The following USP28 variants were observed in gnomAD, a reference collection of about 807,000 sequenced individuals.
USP28 encodes the protein ubiquitin specific peptidase 28, also known as ubiquitin carboxyl-terminal hydrolase 28.
In USP28, 113 loss-of-function variants were observed where a neutral mutation model predicts 145.0. The ratio of observed to expected loss-of-function variants is 0.78; its 90% confidence interval spans 0.67 to 0.91. USP28 has a LOEUF of 0.91. Ranked by LOEUF, USP28 falls within the 40% of genes least tolerant of loss-of-function variation. USP28 has a pLI of 0.00. For synonymous variants in USP28, 447 were observed against 450.9 expected (o/e 0.99, Z 0.11); for missense variants, 1,201 against 1,289.6 (o/e 0.93, Z 1.05).
At chr11:113,821,086 G>A (rs1012711724) in intron 12 of USP28, 2 of 243,198 alleles carry the variant, frequency 8.2e-6, no homozygotes, top group African/African-American at 4.6e-5. Context: ...CACTGGTGAG[G>A]GACTTGGGAT....
chr11:113,830,942 T>C, exon 9 of USP28: 1 of 1,614,054 alleles, frequency 6.2e-7, no homozygotes, highest in Non-Finnish European at 8.5e-7. Flanking sequence ...TTCCTGGGAC[T>C]GCTGCTTTTA....
exon 12 of USP28, chr11:113,823,645 A>G: frequency 6.2e-7 from 1 of 1,612,500 alleles, no homozygotes; most frequent in Admixed American, 1.7e-5. Flanking sequence ...TCCTCCTTCA[A>G]CTTTCGAATA....
chr11:113,851,050 CCTCT>C (rs893225602), intron 3 of USP28, among the ~76,000 whole-genome samples: 1 of 152,016 alleles, frequency 6.6e-6, no homozygotes, highest in East Asian at 1.9e-4. Context: ...ACCTTTAACT[CCTCT>C]CTCTCTCACA....
intron 24 of USP28, among the ~76,000 whole-genome samples, chr11:113,800,536 C>T (rs2135049389): frequency 6.6e-6 from 1 of 152,152 alleles, no homozygotes; most frequent in Non-Finnish European, 1.5e-5. Flanking sequence ...AGTGAGCCAC[C>T]CACCTTGGCC....
In USP28 at chr11:113,801,446, C is replaced by T. The variant is rs1384073341; in HGVS notation, c.3058+37G>A. ...TGAGAACACTGAAATTTCTACAATT[C>T]TCAAAACCTCAGAATATTATTACCA... On this transcript the variant is annotated intron_variant, in intron 24 of 24. Transcript: ENST00000003302. 5 of 1,476,228 alleles carry T rather than the reference C, an allele frequency of 3.4e-6. No homozygotes were observed. The African/African-American group carries it at 6.9e-5, about 20-fold the overall frequency. The allele number at this position is 1,476,228 out of a possible 1,614,324, so 91.4% of individuals were successfully genotyped here.
At chr11:113,837,889 T>G (rs909862785) in intron 5 of USP28, among the ~76,000 whole-genome samples, 5 of 152,202 alleles carry the variant, frequency 3.3e-5, no homozygotes, top group Admixed American at 3.3e-4. Context: ...TGGTGCCAAC[T>G]GGTTCTCCCA....
chr11:113,830,982 A>C, intron 8 of USP28, 39 bp from the exon 9 acceptor site: 1 of 1,604,898 alleles, frequency 6.2e-7, no homozygotes, highest in Non-Finnish European at 8.5e-7. Context: ...GATTGTTTGG[A>C]TTAAGATATG....
At chr11:113,819,009 GC>G (rs1942189102) in intron 12 of USP28, among the ~76,000 whole-genome samples, 1 of 151,602 alleles carries the variant, frequency 6.6e-6, no homozygotes, top group African/African-American at 2.4e-5. Flanking sequence ...TAGAATCAGA[GC>G]AAAAGTGGTT....
At chr11:113,832,404 C>G (rs1944102354) in intron 7 of USP28, among the ~76,000 whole-genome samples, 1 of 152,164 alleles carries the variant, frequency 6.6e-6, no homozygotes, top group African/African-American at 2.4e-5. Flanking sequence ...CTATTGCGCA[C>G]AGCCTGAAAG....
intron 1 of USP28, among the ~76,000 whole-genome samples, chr11:113,855,765 G>A (rs1946981836): frequency 6.6e-6 from 1 of 152,142 alleles, no homozygotes; most frequent in African/African-American, 2.4e-5. Context: ...TACAAAATCA[G>A]TTGGGCGTGG....
chr11:113,804,630 G>A (rs753107826), intron 21 of USP28, 43 bp downstream of exon 22: 5 of 1,563,870 alleles, frequency 3.2e-6, no homozygotes, highest in Non-Finnish European at 4.4e-6. Context: ...TTTACCTCAG[G>A]AATTAATGTT....
At chr11:113,812,229 C>A (rs769621898) in intron 16 of USP28, 47 bp downstream of exon 16, 23 of 1,421,888 alleles carry the variant, frequency 1.6e-5, no homozygotes, top group Non-Finnish European at 2.1e-5. Context: ...TCTCCCTGAG[C>A]AGTACAGATT....
intron 1 of USP28, chr11:113,859,267 A>C (rs1947390621): frequency 6.6e-6 from 1 of 152,164 alleles, no homozygotes; most frequent in Admixed American, 6.6e-5. Flanking sequence ...AGGTTTACAA[A>C]ATCTATTTAT....
chr11:113,808,415 A>C (rs368917609), exon 18 of USP28: 1 of 1,614,144 alleles, frequency 6.2e-7, no homozygotes, highest in Non-Finnish European at 8.5e-7. Context: ...AGCGAACCCC[A>C]TGAGAAGAGG....
At chr11:113,833,255 T>C (rs1003565627) in intron 7 of USP28, among the ~76,000 whole-genome samples, 165 bp downstream of exon 7, 4 of 152,146 alleles carry the variant, frequency 2.6e-5, no homozygotes, top group Non-Finnish European at 5.9e-5. Context: ...ACACACATGC[T>C]TTCTCTCTCA....
rs1289806555 is a variant in USP28, at chr11:113,841,852, C to T, written c.269-84G>A. 8.2e-6 allele frequency: 7 copies of T among 858,134 alleles called. No homozygotes were observed. In the Admixed American group the frequency reaches 1.3e-4, roughly 16 times the overall value. 53.2% of individuals were successfully genotyped at this position (858,134 alleles called of 1,614,324 possible). A position where few individuals can be genotyped will look rare whatever the true frequency, so the allele number is the denominator to read the frequency against. On this transcript the variant is annotated intron_variant, in intron 3 of 24. Coordinates refer to ENST00000003302, the Ensembl canonical transcript of USP28. ...TATAAGAAAAAGGTAAAGACATACT[C>T]CCTAGCTTTCACTACAACAATGGCT...
At chr11:113,812,423 G>A (rs1209373694) in exon 16 of USP28, 4 of 1,613,998 alleles carry the variant, frequency 2.5e-6, no homozygotes, top group Admixed American at 1.7e-5. Flanking sequence ...CTCTGTCGGG[G>A]TTGATTATAG....
intron 10 of USP28, chr11:113,828,864 C>G (rs1313810312): frequency 2.0e-6 from 1 of 509,104 alleles, no homozygotes; most frequent in Non-Finnish European, 3.8e-6. Flanking sequence ...AATCACTGTA[C>G]TTTTACCCTC....
intron 3 of USP28, among the ~76,000 whole-genome samples, chr11:113,849,063 CGG>C (rs1946179986): frequency 6.6e-6 from 1 of 152,168 alleles, no homozygotes; most frequent in Admixed American, 6.5e-5. Context: ...GTCTTGCTGG[CGG>C]ATGTCAGAGA....
Sources: allele counts gnomAD v4.1 joint callset (sites outside exome capture counted in the v4.1 genomes callset), GRCh38; gene constraint gnomAD v4.1.1; transcripts MANE v1.5; gene names NCBI Gene and HGNC (gene_info 2026-07-23, HGNC 2026-07-21).